NUDT1: variants seen among roughly 807,000 people sequenced by gnomAD.
The protein encoded by NUDT1 is nudix hydrolase 1.
Under a neutral mutation model 11.3 loss-of-function variants are expected in NUDT1, and 16 were observed. The observed-to-expected ratio is 1.41, with a 90% confidence interval of 0.96 to 2.15. The LOEUF (loss-of-function observed/expected upper bound fraction) is 2.15, where lower values mean the gene tolerates loss of function less well. Among genes scored for constraint, NUDT1 ranks in the 30% most tolerant of loss-of-function variants. The probability of loss-of-function intolerance (pLI) is 0.00; values close to 1 mark genes in which losing one functional copy is unlikely to be tolerated. For missense variants in NUDT1, 234 were observed against 208.4 expected (o/e 1.12, Z -0.76); for synonymous variants, 101 against 84.4 (o/e 1.20, Z -1.08).
intron 2 of NUDT1, chr7:2,249,626 C>G (rs1286867138): frequency 1.7e-6 from 1 of 585,158 alleles, no homozygotes; most frequent in Non-Finnish European, 3.1e-6. Flanking sequence ...TCTCCGGGCC[C>G]CTCCCCAGAG....
chr7:2,250,731 T>C, intron 3 of NUDT1, 98 bp from the exon 4 acceptor site: 1 of 1,184,870 alleles, frequency 8.4e-7, no homozygotes, highest in Non-Finnish European at 1.2e-6. Flanking sequence ...GTGCTGGGAT[T>C]ACAGGCGTGA....
Position 2,242,241 on chromosome 7 carries a change from G to A in NUDT1, c.-28G>A, listed in dbSNP as rs985170910. 8.2e-6 allele frequency: 12 copies of A among 1,464,084 alleles called. No individual in the cohort carries two copies. In the Admixed American group the frequency reaches 8.9e-5, roughly 11 times the overall value. The allele number at this position is 1,464,084 out of a possible 1,614,324, so 90.7% of individuals were successfully genotyped here. A position where few individuals can be genotyped will look rare whatever the true frequency, so the allele number is the denominator to read the frequency against. On this transcript the variant is annotated 5_prime_UTR_variant, in exon 1 of 4. Coordinates refer to ENST00000356714, the MANE Select transcript of NUDT1 (RefSeq NM_002452.4). ...ACTTCCGGTCAGAGGCCACGCCCCC[G>A]GAAGCGGCGGTGCAGGTACGAAAAG...
chr7:2,242,870 C>A, intron 1 of NUDT1: 1 of 692,960 alleles, frequency 1.4e-6, no homozygotes. Context: ...TTGTGTTAGT[C>A]AGCTGTTAGA....
chr7:2,242,752 G>A, intron 1 of NUDT1: 2 of 481,506 alleles, frequency 4.2e-6, no homozygotes, highest in Non-Finnish European at 7.4e-6. Flanking sequence ...CAGGCAGGCT[G>A]AGGGGCTCCC....
At chr7:2,244,389 A>T in intron 1 of NUDT1, 174 bp from the exon 2 acceptor site, 2 of 595,326 alleles carry the variant, frequency 3.4e-6, no homozygotes, top group Non-Finnish European at 5.7e-6. Context: ...TCACTGGTTC[A>T]ATGGCAGTTT....
intron 3 of NUDT1, among the ~76,000 whole-genome samples, chr7:2,250,237 A>T (rs944393110): frequency 6.6e-6 from 1 of 152,156 alleles, no homozygotes; most frequent in Non-Finnish European, 1.5e-5. Context: ...GGTAATGAGG[A>T]TGAAATATAA....
intron 2 of NUDT1, among the ~76,000 whole-genome samples, chr7:2,245,581 TTC>T (rs1228767958): frequency 4.6e-5 from 7 of 152,116 alleles, no homozygotes; most frequent in African/African-American, 1.7e-4. Flanking sequence ...TCCGATTCAT[TTC>T]TCTTTTTTTC....
At chr7:2,250,544 A>G (rs993493367) in intron 3 of NUDT1, among the ~76,000 whole-genome samples, 37 of 151,992 alleles carry the variant, frequency 2.4e-4, no homozygotes, top group East Asian at 3.9e-4. Context: ...TGCAAGCTCC[A>G]CCTCCCAGGT....
chr7:2,242,257 G>A lies in NUDT1; in HGVS notation c.-13+1G>A, dbSNP rs1262699517. On this transcript the variant is annotated splice_donor_variant, in intron 1 of 3. Transcript: ENST00000356714. LOFTEE classifies it low-confidence loss of function (5UTR_SPLICE). Reference sequence around the variant, plus strand: ...CACGCCCCCGGAAGCGGCGGTGCAGGTACGAAAAGCGCGCGCGGGGATTCC... The same window carrying A: ...CACGCCCCCGGAAGCGGCGGTGCAGATACGAAAAGCGCGCGCGGGGATTCC... 8.1e-6 allele frequency: 11 copies of A among 1,355,352 alleles called. No individual in the cohort carries two copies. Among genetic ancestry groups the A allele is most frequent in the Non-Finnish European group, 1.1e-5 (11 of 1,018,782 alleles). 84.0% of individuals were successfully genotyped at this position (1,355,352 alleles called of 1,614,324 possible).
intron 2 of NUDT1, among the ~76,000 whole-genome samples, chr7:2,246,962 A>G (rs1162786649): frequency 6.6e-6 from 1 of 152,076 alleles, no homozygotes; most frequent in African/African-American, 2.4e-5. Flanking sequence ...TTCGTTGGGG[A>G]GCATCTGCAA....
rs79462193 is a variant in NUDT1 at position 2,249,369 on chromosome 7, G to A, written c.153-488G>A. 9.6e-3 allele frequency: 2,062 copies of A among 215,576 alleles called. 31 individuals are homozygous for A. The highest frequency in any genetic ancestry group is 0.033 in the South Asian group (475 of 14,456). The allele number at this position is 215,576 out of a possible 1,614,324, so 13.4% of individuals were successfully genotyped here. A position where few individuals can be genotyped will look rare whatever the true frequency, so the allele number is the denominator to read the frequency against. On this transcript the variant is annotated intron_variant, in intron 2 of 3. Coordinates refer to ENST00000356714, the MANE Select transcript of NUDT1 (RefSeq NM_002452.4). ...TTGGGCAGACAGGCCCAGAGTATAG[G>A]GCCCAGGTTCCCAGAGCAAGCGTCC...
At chr7:2,250,169 C>T (rs1306932404) in intron 3 of NUDT1, among the ~76,000 whole-genome samples, 167 bp downstream of exon 3, 2 of 152,260 alleles carry the variant, frequency 1.3e-5, no homozygotes, top group South Asian at 2.1e-4. Context: ...GGTCTCTGCA[C>T]CGAGGCTCCA....
At chr7:2,242,903 A>C in intron 1 of NUDT1, 1 of 706,164 alleles carries the variant, frequency 1.4e-6, no homozygotes, top group East Asian at 2.7e-5. Flanking sequence ...TCGCAAGGAC[A>C]GAGGGCTTTC....
chr7:2,249,935 G>T lies in NUDT1; in HGVS notation c.231G>T (p.Glu77Asp), dbSNP rs1409361059. 1 of 1,614,086 alleles carries T rather than the reference G, an allele frequency of 6.2e-7. No individual in the cohort carries two copies. Among genetic ancestry groups the T allele is most frequent in the African/African-American group, 1.3e-5 (1 of 74,944 alleles). ...VGQIVFEFVG[E>D]PELMDVHVFC... is the part of the protein sequence containing the mutation. ...AGATCGTGTTTGAGTTCGTGGGCGA[G>T]CCTGAGCTCATGGACGTGCATGTCT... is the stretch of plus-strand genomic sequence containing the variant. The change falls in exon 3 of 4, where the codon GAG (glutamate) becomes GAT (aspartate). Residue 77 changes from glutamate (E) to aspartate (D), a missense_variant. Glu to Asp is a conservative substitution (Grantham distance 45, BLOSUM62 2). Coordinates refer to ENST00000356714, the MANE Select transcript of NUDT1 (RefSeq NM_002452.4).
intron 1 of NUDT1, 82 bp from the exon 2 acceptor site, chr7:2,244,481 C>A (rs996438435): frequency 9.3e-6 from 12 of 1,292,712 alleles, no homozygotes; most frequent in Non-Finnish European, 1.0e-5. Context: ...CCTCCCAGAG[C>A]ACGTCCCCTT....
chr7:2,242,853 A>G (rs967461821), intron 1 of NUDT1: 1 of 682,546 alleles, frequency 1.5e-6, no homozygotes. Context: ...TTAGCCTTGT[A>G]GGTGGCTTGT....
At chr7:2,242,940 G>A (rs1048304308) in intron 1 of NUDT1, 2 of 713,396 alleles carry the variant, frequency 2.8e-6, no homozygotes. Flanking sequence ...TTGCCTTGAT[G>A]TACTGGAGCA....
At chr7:2,250,767 A>G in intron 3 of NUDT1, 62 bp from the exon 4 acceptor site, 2 of 1,606,768 alleles carry the variant, frequency 1.2e-6, no homozygotes, top group East Asian at 2.2e-5. Flanking sequence ...CAAAAAAAAC[A>G]TGTTTTTTAA....
At chr7:2,250,614 C>T (rs35034831) in intron 3 of NUDT1, among the ~76,000 whole-genome samples, 2,394 of 148,546 alleles carry the variant, frequency 0.016, 44 homozygotes, top group East Asian at 0.039. Flanking sequence ...CCCGCCACCA[C>T]GCCCGGCTAA....
Sources: allele counts gnomAD v4.1 joint callset (sites outside exome capture counted in the v4.1 genomes callset), GRCh38; gene constraint gnomAD v4.1.1; transcripts MANE v1.5; gene names NCBI Gene and HGNC (gene_info 2026-07-23, HGNC 2026-07-21).